Variants in SEM1 observed in about 807,000 individuals in gnomAD.
The protein encoded by SEM1 is SEM1 26S proteasome subunit, also known as 26S proteasome complex subunit SEM1.
Under a neutral mutation model 12.7 loss-of-function variants are expected in SEM1, and 3 were observed. The observed-to-expected ratio is 0.24, with a 90% confidence interval of 0.11 to 0.61. The LOEUF (loss-of-function observed/expected upper bound fraction) is 0.61. Among genes scored for constraint, SEM1 ranks in the 20% least tolerant of loss-of-function variants. The pLI is 0.88. For missense variants in SEM1, 59 were observed against 81.3 expected (o/e 0.73, Z 1.06); for synonymous variants, 30 against 27.8 (o/e 1.08, Z -0.25).
chr7:96,658,391 AG>A (rs917763979), intron 2 of SEM1, among the ~76,000 whole-genome samples: 1 of 152,218 alleles, frequency 6.6e-6, no homozygotes. Flanking sequence ...TCATGAAAAA[AG>A]GCTGAACATC....
downstream of SEM1, chr7:96,673,002 T>C (rs1789359374): frequency 7.2e-6 from 1 of 138,816 alleles, no homozygotes; most frequent in East Asian, 2.1e-4. Context: ...AAAAAATGCA[T>C]ATATTTACCA....
At chr7:96,687,128 A>T (rs1385529498), downstream of SEM1, among the ~76,000 whole-genome samples, 4 of 152,202 alleles carry the variant, frequency 2.6e-5, no homozygotes, top group Non-Finnish European at 5.9e-5. Context: ...TTAAAAAGTC[A>T]GGAAACAACA....
At chr7:96,654,199 T>C (rs1809098383) in intron 2 of SEM1, among the ~76,000 whole-genome samples, 1 of 152,212 alleles carries the variant, frequency 6.6e-6, no homozygotes, top group Non-Finnish European at 1.5e-5. Flanking sequence ...GGAAAATTCA[T>C]GGATACAGAA....
chr7:96,613,781 A>G (rs1807617900), intron 2 of SEM1, among the ~76,000 whole-genome samples: 1 of 152,180 alleles, frequency 6.6e-6, no homozygotes. Flanking sequence ...TTGACATATA[A>G]GTGATGTCAT....
At chr7:96,694,291 G>A (rs1356373238) in intron 2 of SEM1, among the ~76,000 whole-genome samples, 1 of 151,918 alleles carries the variant, frequency 6.6e-6, no homozygotes, top group Non-Finnish European at 1.5e-5. Flanking sequence ...ACAATATTGA[G>A]GATGTACTAG....
At chr7:96,657,198 C>G (rs891147265) in intron 2 of SEM1, among the ~76,000 whole-genome samples, 2 of 152,130 alleles carry the variant, frequency 1.3e-5, no homozygotes, top group Non-Finnish European at 2.9e-5. Flanking sequence ...TTTTGAGATG[C>G]TATCTGTAGA....
chr7:96,531,026 T>G (rs909485122), intron 2 of SEM1, among the ~76,000 whole-genome samples: 4 of 152,102 alleles, frequency 2.6e-5, no homozygotes, highest in Admixed American at 6.6e-5. Context: ...GTCTGGATCA[T>G]AGAATTTAGC....
intron 2 of SEM1, chr7:96,656,712 A>T (rs1446806664): frequency 6.6e-6 from 1 of 152,126 alleles, no homozygotes; most frequent in Non-Finnish European, 1.5e-5. Context: ...AAGTGATAAA[A>T]ATAATCTCTG....
chr7:96,589,056 G>T (rs1282523783), intron 2 of SEM1, among the ~76,000 whole-genome samples: 3 of 152,210 alleles, frequency 2.0e-5, no homozygotes, highest in Non-Finnish European at 4.4e-5. Context: ...GATGGCTGTT[G>T]CCTCTGATGA....
chr7:96,495,997 G>T (rs903275986), intron 1 of SEM1, among the ~76,000 whole-genome samples: 1 of 152,026 alleles, frequency 6.6e-6, no homozygotes, highest in Non-Finnish European at 1.5e-5. Context: ...ACAGCCGCAG[G>T]CCTCTCTGTT....
intron 2 of SEM1, among the ~76,000 whole-genome samples, chr7:96,539,847 T>A (rs1563052093): frequency 6.6e-6 from 1 of 151,630 alleles, no homozygotes; most frequent in Non-Finnish European, 1.5e-5. Flanking sequence ...TAATGTAATC[T>A]TGATACATTA....
chr7:96,708,112 T>C (rs1790526415), intron 1 of SEM1: 4 of 152,204 alleles, frequency 2.6e-5, no homozygotes, highest in African/African-American at 9.6e-5. Context: ...AGAATGCTAT[T>C]TGAAGTATTA....
chr7:96,658,119 C>T (rs1190062904), intron 2 of SEM1, among the ~76,000 whole-genome samples: 5 of 152,012 alleles, frequency 3.3e-5, no homozygotes, highest in South Asian at 4.2e-4. Flanking sequence ...TTACTTAGGC[C>T]GATGAATCCC....
downstream of SEM1, among the ~76,000 whole-genome samples, chr7:96,621,058 G>A (rs1427137406): frequency 1.3e-5 from 2 of 152,042 alleles, no homozygotes; most frequent in Non-Finnish European, 2.9e-5. Context: ...TGTATGACCA[G>A]TATAAAATTT....
intron 2 of SEM1, among the ~76,000 whole-genome samples, chr7:96,692,664 A>G (rs1309313584): frequency 2.0e-5 from 3 of 152,142 alleles, no homozygotes; most frequent in Non-Finnish European, 4.4e-5. Flanking sequence ...GGGGCTTCTA[A>G]GAGCCATATA....
At chr7:96,501,063 T>A (rs1478874212), upstream of SEM1, among the ~76,000 whole-genome samples, 1 of 152,172 alleles carries the variant, frequency 6.6e-6, no homozygotes, top group Non-Finnish European at 1.5e-5. Flanking sequence ...GAGATCAGAC[T>A]TCTTCAATAT....
intron 2 of SEM1, among the ~76,000 whole-genome samples, chr7:96,602,924 GGGAAAA>G (rs1807237433): frequency 6.6e-6 from 1 of 152,144 alleles, no homozygotes; most frequent in African/African-American, 2.4e-5. Flanking sequence ...ATAAATCAAG[GGGAAAA>G]GGATGGAGAA....
chr7:96,587,196 A>C (rs530676317), intron 2 of SEM1, among the ~76,000 whole-genome samples: 25 of 152,330 alleles, frequency 1.6e-4, no homozygotes, highest in African/African-American at 5.5e-4. Context: ...CAGAAATGGT[A>C]ATGTTTAGGT....
intron 2 of SEM1, among the ~76,000 whole-genome samples, chr7:96,681,972 G>A (rs1456383996): frequency 6.6e-6 from 1 of 152,044 alleles, no homozygotes; most frequent in Non-Finnish European, 1.5e-5. Context: ...AAATTACTTT[G>A]GGCAGTATGG....
Sources: allele counts gnomAD v4.1 joint callset (sites outside exome capture counted in the v4.1 genomes callset), GRCh38; gene constraint gnomAD v4.1.1; transcripts MANE v1.5; gene names NCBI Gene and HGNC (gene_info 2026-07-23, HGNC 2026-07-21).